Variants in IFFO2 observed in about 807,000 individuals in gnomAD.
IFFO2 encodes intermediate filament family orphan 2.
A neutral mutation model predicts 53.5 loss-of-function variants in IFFO2; 19 were observed. That is an observed-to-expected ratio of 0.36 (90% CI 0.25 to 0.52). IFFO2 has a LOEUF of 0.52. Ranked by LOEUF, IFFO2 falls within the 20% of genes least tolerant of loss-of-function variation. The pLI, the probability that IFFO2 is intolerant of heterozygous loss-of-function variation, is 0.94. For synonymous variants in IFFO2, 303 were observed against 313.6 expected (o/e 0.97, Z 0.36); for missense variants, 570 against 727.4 (o/e 0.78, Z 2.49).
chr1:18,935,570 G>A (rs933054702), intron 1 of IFFO2, among the ~76,000 whole-genome samples: 6 of 152,178 alleles, frequency 3.9e-5, no homozygotes, highest in South Asian at 2.1e-4. Context: ...AGGCTGACCC[G>A]ACTCCTTGGT....
At position 18,911,426 on chromosome 1, in the gene IFFO2, C is replaced by A; in HGVS notation, c.1275G>T (p.Lys425Asn). 6.6e-7 allele frequency: 1 copy of A among 1,525,540 alleles called. No homozygotes were observed. Among genetic ancestry groups the A allele is most frequent in the Non-Finnish European group, 8.8e-7 (1 of 1,135,568 alleles). The allele number at this position is 1,525,540 out of a possible 1,614,324, so 94.5% of individuals were successfully genotyped here. The change falls in exon 7 of 9, where the codon AAG becomes AAT. Residue 425 changes from lysine (K) to asparagine (N), a missense_variant. Physicochemically the swap from Lys to Asn is moderately conservative, Grantham distance 94. Transcript: ENST00000455833. ...TTTCCTGGTACTCCTTGTCTCTCGT[C>A]TTGAAGAAGGATTCGGTCTCATGGA... is the stretch of plus-strand genomic sequence containing the variant. ...NLIHETESFFKTRDKEYQETI... is the reference protein window; with the variant it reads ...NLIHETESFFNTRDKEYQETI...
At chr1:18,925,245 TC>T (rs1051172373) in intron 1 of IFFO2, among the ~76,000 whole-genome samples, 4 of 151,922 alleles carry the variant, frequency 2.6e-5, no homozygotes, top group African/African-American at 9.7e-5. Context: ...TTTCCCCTCT[TC>T]CTCTCTCCTC....
At chr1:18,927,062 C>G (rs1162758893) in intron 1 of IFFO2, among the ~76,000 whole-genome samples, 1 of 152,168 alleles carries the variant, frequency 6.6e-6, no homozygotes, top group Non-Finnish European at 1.5e-5. Context: ...CTCTCTGGGC[C>G]TCAGTTGTCC....
chr1:18,937,950 C>T (rs1936470996), intron 1 of IFFO2, among the ~76,000 whole-genome samples: 1 of 152,280 alleles, frequency 6.6e-6, no homozygotes, highest in South Asian at 2.1e-4. Context: ...CCAGCGGGGG[C>T]TCTCTTCCCC....
intron 1 of IFFO2, among the ~76,000 whole-genome samples, chr1:18,931,693 G>A (rs146155504): frequency 0.011 from 1,605 of 152,272 alleles, 11 homozygotes; most frequent in South Asian, 0.022. Flanking sequence ...ACAGTTCTGT[G>A]AGCCGGATGT....
At chr1:18,945,577 T>C (rs1414298121) in intron 1 of IFFO2, among the ~76,000 whole-genome samples, 4 of 152,204 alleles carry the variant, frequency 2.6e-5, no homozygotes, top group African/African-American at 9.6e-5. Flanking sequence ...GGGGCCTCTC[T>C]CCATCGAGCA....
intron 1 of IFFO2, among the ~76,000 whole-genome samples, chr1:18,922,658 C>T (rs1936231751): frequency 6.6e-6 from 1 of 152,090 alleles, no homozygotes; most frequent in African/African-American, 2.4e-5. Flanking sequence ...GGGCCCGGAC[C>T]TGGAGGGCAA....
In IFFO2 at chr1:18,918,582, C is replaced by A; in HGVS notation, c.823-80G>T. Reference sequence around the variant, plus strand: ...GCTTGGCAGAGAGGTGGGGAGACCCCTAGGTGTCAGCAGGGGTGGTGCGGG... The same window carrying A: ...GCTTGGCAGAGAGGTGGGGAGACCCATAGGTGTCAGCAGGGGTGGTGCGGG... On this transcript the variant is annotated intron_variant, in intron 3 of 8. Transcript: ENST00000455833. This position sits in a 1 kb window ranked among gnomAD's most constrained non-coding sequence, Gnocchi z 5.2. 2 of 1,465,180 alleles carry A rather than the reference C, an allele frequency of 1.4e-6. No homozygotes were observed. The highest frequency in any genetic ancestry group is 2.5e-5 in the South Asian group (2 of 80,382). 90.8% of individuals were successfully genotyped at this position (1,465,180 alleles called of 1,614,324 possible).
chr1:18,928,117 T>A lies in IFFO2; in HGVS notation c.666-6996A>T, dbSNP rs996223708. On this transcript the variant is annotated intron_variant, in intron 1 of 8. Transcript: ENST00000455833. The surrounding 1 kb of genome is among the most constrained non-coding windows in gnomAD (Gnocchi z 4.9). ...TCCCACATGGCACGCTGCAAGCCCG[T>A]CTTCTCCCCCGAAAATGGACAGCCA... 6.6e-6 allele frequency among the ~76,000 whole-genome samples: 1 copy of A among 152,100 alleles called. No homozygotes were observed. Among genetic ancestry groups the A allele is most frequent in the Admixed American group, 6.5e-5 (1 of 15,276 alleles).
chr1:18,912,836 A>G (rs950649706), intron 5 of IFFO2, among the ~76,000 whole-genome samples: 1 of 152,204 alleles, frequency 6.6e-6, no homozygotes, highest in East Asian at 1.9e-4. Flanking sequence ...AGCCTGGGAG[A>G]TGTCAAGACC....
rs1023195963 is a variant in IFFO2 at position 18,910,338 on chromosome 1, G to T, written c.1448+4C>A. ...CTGAATCCCCTGGGAGGATGGGCGG[G>T]TACCTGTCTGCGGAGCCTTTGATGA... On this transcript the variant is annotated splice_donor_region_variant and intron_variant, in intron 8 of 8. Transcript: ENST00000455833. 2 of 1,603,002 alleles carry T rather than the reference G, an allele frequency of 1.2e-6. No homozygotes were observed. Among genetic ancestry groups the T allele is most frequent in the Non-Finnish European group, 8.5e-7 (1 of 1,174,822 alleles).
intron 1 of IFFO2, among the ~76,000 whole-genome samples, chr1:18,938,881 G>A (rs1350784636): frequency 2.0e-5 from 3 of 152,238 alleles, no homozygotes; most frequent in Non-Finnish European, 4.4e-5. Flanking sequence ...GGACAGATGG[G>A]ACACAGTGTG....
chr1:18,920,328 T>G (rs1936199479), intron 2 of IFFO2, among the ~76,000 whole-genome samples: 1 of 152,246 alleles, frequency 6.6e-6, no homozygotes, highest in Non-Finnish European at 1.5e-5. Context: ...AAGGGAGATA[T>G]TCAACCTTTT....
chr1:18,938,264 C>T (rs1447595910), intron 1 of IFFO2, among the ~76,000 whole-genome samples: 2 of 152,230 alleles, frequency 1.3e-5, no homozygotes, highest in Non-Finnish European at 2.9e-5. Context: ...ATGGTGAAGA[C>T]CCCATAAGAT....
rs1004354579 is a variant in IFFO2, at chr1:18,917,832, C to T, written c.963+530G>A. On this transcript the variant is annotated intron_variant, in intron 4 of 8. Coordinates refer to ENST00000455833, the MANE Select transcript of IFFO2 (RefSeq NM_001136265.2). This position sits in a 1 kb window ranked among gnomAD's most constrained non-coding sequence, Gnocchi z 5.9. ...TCTCTCGGGGGCACCCACACTTGCA[C>T]GTTAGGTCGGGGGGGTATCGAGAGC... Among the ~76,000 whole-genome samples, 1 of 152,134 alleles carries T rather than the reference C, an allele frequency of 6.6e-6. No homozygotes were observed. The highest frequency in any genetic ancestry group is 1.5e-5 in the Non-Finnish European group (1 of 68,020).
intron 1 of IFFO2, among the ~76,000 whole-genome samples, chr1:18,942,986 G>A (rs1006726945): frequency 2.6e-5 from 4 of 151,902 alleles, no homozygotes; most frequent in African/African-American, 7.2e-5. Context: ...TTACAGGCTC[G>A]TGCCACCACA....
rs1172069843 is a variant in IFFO2, at chr1:18,907,166, C to T, written c.*1395G>A. ...AAAATTAAAATTGGCAACAGACCCACTGCAGTAGGCTTAAAAAATAATAAT... is the reference window on the plus strand; with the variant it reads ...AAAATTAAAATTGGCAACAGACCCATTGCAGTAGGCTTAAAAAATAATAAT... On this transcript the variant is annotated 3_prime_UTR_variant, in exon 9 of 9. Coordinates refer to ENST00000455833, the MANE Select transcript of IFFO2 (RefSeq NM_001136265.2). The T allele has an allele frequency of 6.6e-6, 1 of 152,238 alleles. No homozygotes were observed. Among genetic ancestry groups the T allele is most frequent in the Non-Finnish European group, 1.5e-5 (1 of 68,050 alleles). 9.4% of individuals were successfully genotyped at this position (152,238 alleles called of 1,614,324 possible).
rs1296825990 is a variant in IFFO2 at position 18,928,146 on chromosome 1, A to C, written c.666-7025T>G. Among the ~76,000 whole-genome samples the C allele has an allele frequency of 6.6e-6, 1 of 152,060 alleles. No homozygotes were observed. Among genetic ancestry groups the C allele is most frequent in the Non-Finnish European group, 1.5e-5 (1 of 67,992 alleles). ...CTCCCCCGAAAATGGACAGCCAATAAGCTCTAGCCCCTGCGCATGAAAGAG... is the reference window on the plus strand; with the variant it reads ...CTCCCCCGAAAATGGACAGCCAATACGCTCTAGCCCCTGCGCATGAAAGAG... On this transcript the variant is annotated intron_variant, in intron 1 of 8. Coordinates refer to ENST00000455833, the MANE Select transcript of IFFO2 (RefSeq NM_001136265.2). The surrounding 1 kb of genome is among the most constrained non-coding windows in gnomAD (Gnocchi z 4.9).
intron 1 of IFFO2, among the ~76,000 whole-genome samples, chr1:18,937,509 G>C (rs970163217): frequency 6.6e-6 from 1 of 152,140 alleles, no homozygotes; most frequent in African/African-American, 2.4e-5. Context: ...AAACAAGAGT[G>C]TTCCTCCCAA....
Sources: gnomAD v4.1 joint callset for allele counts (sites outside exome capture counted in the v4.1 genomes callset) on GRCh38, gnomAD v4.1.1 for gene constraint, Gnocchi (gnomAD v3.1) non-coding constraint, MANE v1.5 for transcripts, NCBI Gene and HGNC (gene_info 2026-07-23, HGNC 2026-07-21) for gene names.